SOX6: variants seen among roughly 807,000 people sequenced by gnomAD.
SOX6 encodes the protein transcription factor SOX-6.
In SOX6, 11 loss-of-function variants were observed where a neutral mutation model predicts 97.8. The observed-to-expected ratio is 0.11, with a 90% CI of 0.07 to 0.19. The LOEUF (loss-of-function observed/expected upper bound fraction) is 0.19, where lower values mean the gene tolerates loss of function less well. Among genes scored for constraint, SOX6 ranks in the 10% least tolerant of loss-of-function variants. SOX6 has a pLI of 1.00. For missense variants in SOX6, 810 were observed against 1,039.5 expected (o/e 0.78, Z 3.04); for synonymous variants, 360 against 371.4 (o/e 0.97, Z 0.35).
chr11:16,523,896 A>C (rs962190599), intron 4 of SOX6, among the ~76,000 whole-genome samples: 1 of 152,252 alleles, frequency 6.6e-6, no homozygotes, highest in Non-Finnish European at 1.5e-5. Context: ...AAATGGATAA[A>C]TTCCTCAACA....
intron 1 of SOX6, among the ~76,000 whole-genome samples, chr11:16,449,190 A>G (rs1369051799): frequency 6.6e-6 from 1 of 151,548 alleles, no homozygotes; most frequent in East Asian, 1.9e-4. Context: ...AAATACTTGG[A>G]ATATACTGTG....
At chr11:16,236,218 T>A (rs910785138) in intron 3 of SOX6, among the ~76,000 whole-genome samples, 2 of 152,096 alleles carry the variant, frequency 1.3e-5, no homozygotes, top group Non-Finnish European at 1.5e-5. Flanking sequence ...GGAGCCTACA[T>A]GCAGATGCAT....
intron 1 of SOX6, among the ~76,000 whole-genome samples, chr11:16,452,638 T>C (rs1227000744): frequency 6.6e-6 from 1 of 152,198 alleles, no homozygotes; most frequent in African/African-American, 2.4e-5. Flanking sequence ...TTCATTTCAA[T>C]GTGCTGCTAT....
chr11:16,441,856 C>T (rs1406342777), intron 1 of SOX6, among the ~76,000 whole-genome samples: 1 of 152,144 alleles, frequency 6.6e-6, no homozygotes, highest in Non-Finnish European at 1.5e-5. Context: ...ATTTTATCAT[C>T]CTTAATAACT....
chr11:16,345,829 C>A (rs1356204947), intron 1 of SOX6, among the ~76,000 whole-genome samples: 2 of 151,920 alleles, frequency 1.3e-5, no homozygotes, highest in Non-Finnish European at 2.9e-5. Context: ...AAGGCATAAT[C>A]ACTCAAAATT....
intron 4 of SOX6, among the ~76,000 whole-genome samples, chr11:16,232,383 A>T (rs1249182196): frequency 6.6e-6 from 1 of 152,022 alleles, no homozygotes; most frequent in African/African-American, 2.4e-5. Context: ...TAAATTTAGT[A>T]AGAATCTTAT....
At chr11:16,085,886 C>G (rs954362798) in intron 9 of SOX6, among the ~76,000 whole-genome samples, 1 of 152,130 alleles carries the variant, frequency 6.6e-6, no homozygotes, top group African/African-American at 2.4e-5. Context: ...ATTGGTGTAA[C>G]AGATGGTTTC....
intron 4 of SOX6, among the ~76,000 whole-genome samples, chr11:16,534,007 C>T (rs1861273966): frequency 6.6e-6 from 1 of 152,066 alleles, no homozygotes; most frequent in Non-Finnish European, 1.5e-5. Flanking sequence ...CAAGGTAATA[C>T]ATAATTAGGA....
intron 6 of SOX6, among the ~76,000 whole-genome samples, chr11:16,143,319 C>A (rs1217682349): frequency 6.6e-6 from 1 of 152,072 alleles, no homozygotes; most frequent in Non-Finnish European, 1.5e-5. Flanking sequence ...TTTGTCACCA[C>A]CAGGCCTGCC....
chr11:16,688,039 C>T (rs954274595), intron 3 of SOX6, among the ~76,000 whole-genome samples: 1 of 152,050 alleles, frequency 6.6e-6, no homozygotes, highest in African/African-American at 2.4e-5. Context: ...GTGGCATGAT[C>T]TTGGCTCACT....
At chr11:16,231,417 C>T (rs768973966) in intron 4 of SOX6, among the ~76,000 whole-genome samples, 4 of 151,602 alleles carry the variant, frequency 2.6e-5, no homozygotes, top group African/African-American at 4.8e-5. Context: ...TCAAAAAACT[C>T]ATTAAATCAA....
chr11:16,283,202 A>G (rs1854630374), intron 3 of SOX6, among the ~76,000 whole-genome samples: 1 of 149,164 alleles, frequency 6.7e-6, no homozygotes, highest in South Asian at 2.1e-4. Flanking sequence ...GGCAATATCC[A>G]AACCACATTT....
chr11:16,104,717 C>G (rs1317292570), intron 7 of SOX6, among the ~76,000 whole-genome samples: 1 of 151,654 alleles, frequency 6.6e-6, no homozygotes, highest in Non-Finnish European at 1.5e-5. Flanking sequence ...TAAATGCTAA[C>G]TAAAACAAAG....
intron 1 of SOX6, among the ~76,000 whole-genome samples, chr11:16,450,123 C>A (rs1436743479): frequency 6.6e-6 from 1 of 152,122 alleles, no homozygotes; most frequent in African/African-American, 2.4e-5. Context: ...AAATAGACCC[C>A]TGCGCAAACT....
intron 12 of SOX6, among the ~76,000 whole-genome samples, chr11:16,036,535 A>G (rs1019539089): frequency 2.6e-5 from 4 of 152,186 alleles, no homozygotes; most frequent in Non-Finnish European, 5.9e-5. Flanking sequence ...TCATCACTGG[A>G]CTAGAGATAA....
At chr11:16,618,022 G>C (rs1372586497) in intron 3 of SOX6, among the ~76,000 whole-genome samples, 1 of 151,844 alleles carries the variant, frequency 6.6e-6, no homozygotes, top group African/African-American at 2.4e-5. Context: ...ATTATTGCAA[G>C]AGATCCTTTT....
At chr11:16,375,736 T>C (rs1857625009) in intron 1 of SOX6, among the ~76,000 whole-genome samples, 1 of 152,092 alleles carries the variant, frequency 6.6e-6, no homozygotes, top group African/African-American at 2.4e-5. Context: ...CATACACACG[T>C]ATGTTTATTG....
intron 4 of SOX6, among the ~76,000 whole-genome samples, chr11:16,210,846 T>C (rs942360054): frequency 6.6e-6 from 1 of 152,064 alleles, no homozygotes; most frequent in African/African-American, 2.4e-5. Flanking sequence ...ATACAAGAAA[T>C]GACCAATTAA....
At chr11:16,535,474 C>G (rs1861293888) in intron 4 of SOX6, among the ~76,000 whole-genome samples, 1 of 152,082 alleles carries the variant, frequency 6.6e-6, no homozygotes, top group African/African-American at 2.4e-5. Flanking sequence ...GGAGTTGAAA[C>G]CAGCCTAGGC....
Sources: allele counts gnomAD v4.1 joint callset (sites outside exome capture counted in the v4.1 genomes callset), GRCh38; gene constraint gnomAD v4.1.1; transcripts MANE v1.5; gene names NCBI Gene and HGNC (gene_info 2026-07-23, HGNC 2026-07-21).